Variants in RGS18 observed in about 807,000 individuals in gnomAD.
RGS18 encodes regulator of G-protein signaling 18.
Under a neutral mutation model 27.6 loss-of-function variants are expected in RGS18, and 22 were observed. That is an observed-to-expected ratio of 0.80 (90% CI 0.57 to 1.14). The LOEUF is 1.14. Among genes scored for constraint, RGS18 ranks in the 50% most tolerant of loss-of-function variants. The pLI is 0.00. For synonymous variants in RGS18, 89 were observed against 84.6 expected, an observed-to-expected ratio of 1.05 and a Z score of -0.29; for missense variants, 299 against 269.6, an observed-to-expected ratio of 1.11 and a Z score of -0.76.
At chr1:192,165,631 A>T (rs1656151623) in intron 3 of RGS18, among the ~76,000 whole-genome samples, 1 of 152,344 alleles carries the variant, frequency 6.6e-6, no homozygotes, top group African/African-American at 2.4e-5. Context: ...GGGAAAATAG[A>T]AAAGAACCTA....
In RGS18 at chr1:192,184,306, G is replaced by GAT; in HGVS notation, c.461_462dup (p.Phe155IlefsTer40). 1.2e-6 allele frequency: 2 copies of GAT among 1,606,858 alleles called. No homozygotes were observed. Among genetic ancestry groups the GAT allele is most frequent in the Non-Finnish European group, 1.7e-6 (2 of 1,174,718 alleles). ...TTTTCTGTTTATCCAGGTTAACCTTGATTTTCACACAAAAGAAGTCATTAC... is the reference window on the plus strand; with the variant it reads ...TTTTCTGTTTATCCAGGTTAACCTTGATATTTTCACACAAAAGAAGTCATTAC... On this transcript the variant is annotated frameshift_variant, in exon 5 of 5. Coordinates refer to ENST00000367460, the MANE Select transcript of RGS18 (RefSeq NM_130782.3). LOFTEE classifies it high-confidence loss of function.
rs200651567 is a variant in RGS18 at position 192,170,747 on chromosome 1, ATT to A, written c.283+10309_283+10310del. Among the ~76,000 whole-genome samples the A allele has an allele frequency of 6.5e-3, 982 of 152,240 alleles. 8 individuals carry two copies. The highest frequency in any genetic ancestry group is 0.017 in the Admixed American group (263 of 15,274). On this transcript the variant is annotated intron_variant, in intron 3 of 4. Coordinates refer to ENST00000367460, the MANE Select transcript of RGS18 (RefSeq NM_130782.3). ...CAGTTACATAATGGAAAAGAAATAAATTATCAAGCTGCTGTCAATCAGCAGCC... is the reference window on the plus strand; with the variant it reads ...CAGTTACATAATGGAAAAGAAATAAAATCAAGCTGCTGTCAATCAGCAGCC...
At chr1:192,166,764 C>G (rs965387179) in intron 3 of RGS18, among the ~76,000 whole-genome samples, 1 of 152,092 alleles carries the variant, frequency 6.6e-6, no homozygotes, top group African/African-American at 2.4e-5. Flanking sequence ...ATGAACAAGA[C>G]TTGTAAAAAG....
chr1:192,162,365 C>T (rs1371422072), intron 3 of RGS18, among the ~76,000 whole-genome samples: 1 of 151,914 alleles, frequency 6.6e-6, no homozygotes, highest in East Asian at 1.9e-4. Flanking sequence ...CTGGAGTGCA[C>T]TGGCACAATC....
chr1:192,159,369 T>G, intron 2 of RGS18, 48 bp downstream of exon 2: 1 of 1,259,444 alleles, frequency 7.9e-7, no homozygotes, highest in Non-Finnish European at 1.2e-6. Context: ...GATTCTATCA[T>G]TAAAGATTTA....
chr1:192,161,573 CAAGCCCACAGCT>C (rs935855107), intron 3 of RGS18: 4 of 152,046 alleles, frequency 2.6e-5, no homozygotes, highest in African/African-American at 9.7e-5. Context: ...ACATCCACCT[CAAGCCCACAGCT>C]TTTTTTTTTT....
At chr1:192,158,881 G>C in intron 1 of RGS18, 125 bp downstream of exon 1, 1 of 661,186 alleles carries the variant, frequency 1.5e-6, no homozygotes, top group Non-Finnish European at 2.5e-6. Context: ...TATAATTTGG[G>C]AAAAAAAAAC....
chr1:192,165,582 G>A (rs775442582), intron 3 of RGS18, among the ~76,000 whole-genome samples: 12 of 152,006 alleles, frequency 7.9e-5, no homozygotes, highest in Non-Finnish European at 1.5e-4. Context: ...TCTCTCTTTT[G>A]TGCTCTTTCC....
intron 3 of RGS18, among the ~76,000 whole-genome samples, chr1:192,172,510 A>G (rs892017115): frequency 5.3e-5 from 8 of 151,940 alleles, no homozygotes; most frequent in Admixed American, 2.6e-4. Flanking sequence ...CTTTTTCTGT[A>G]TAAACTACCC....
chr1:192,174,985 C>A (rs1656333240), intron 3 of RGS18, among the ~76,000 whole-genome samples: 1 of 151,696 alleles, frequency 6.6e-6, no homozygotes, highest in Non-Finnish European at 1.5e-5. Flanking sequence ...TTCCTCCTTT[C>A]CTACCTTATT....
At chr1:192,181,497 CA>C in intron 4 of RGS18, 39 bp downstream of exon 4, 1 of 1,358,812 alleles carries the variant, frequency 7.4e-7, no homozygotes, top group Non-Finnish European at 9.8e-7. Flanking sequence ...TAATTGCTTT[CA>C]AAATTTTTTA....
Position 192,158,746 on chromosome 1 carries a change from G to C in RGS18, c.109G>C (p.Ala37Pro). The change falls in exon 1 of 5, where the codon GCC (alanine) becomes CCC (proline). Residue 37 changes from alanine (A) to proline (P), a missense_variant. Coordinates refer to ENST00000367460, the MANE Select transcript of RGS18 (RefSeq NM_130782.3). ...AGGAAAAGAAGAAACAAGCAAAGAAGCCAAAATCAGGTAAAATTGTACAAT... is the reference window on the plus strand; with the variant it reads ...AGGAAAAGAAGAAACAAGCAAAGAACCCAAAATCAGGTAAAATTGTACAAT... ...GSGKEETSKE[A>P]KIRAKEKRNR... 1 of 1,558,992 alleles carries C rather than the reference G, an allele frequency of 6.4e-7. No homozygotes were observed. The highest frequency in any genetic ancestry group is 2.3e-5 in the East Asian group (1 of 43,072).
intron 3 of RGS18, among the ~76,000 whole-genome samples, chr1:192,174,784 T>C (rs1656330546): frequency 6.6e-6 from 1 of 151,900 alleles, no homozygotes; most frequent in Admixed American, 6.6e-5. Context: ...CCTGATACTT[T>C]TCATTTAATG....
chr1:192,179,924 GT>G lies in RGS18; in HGVS notation c.284-1364del, dbSNP rs577839674. On this transcript the variant is annotated intron_variant, in intron 3 of 4. Coordinates refer to ENST00000367460, the MANE Select transcript of RGS18 (RefSeq NM_130782.3). ...ATCCTAGCTGTGATATTTCACTGTA[GT>G]TTTCCAAGTTGTTACACTGGCGAAA... Among the ~76,000 whole-genome samples the G allele has an allele frequency of 9.9e-5, 15 of 151,646 alleles. No homozygotes were observed. In the South Asian group the frequency reaches 3.1e-3, roughly 31 times the overall value.
intron 3 of RGS18, among the ~76,000 whole-genome samples, chr1:192,162,392 T>A (rs1656089587): frequency 6.6e-6 from 1 of 152,166 alleles, no homozygotes; most frequent in South Asian, 2.1e-4. Context: ...CATTGCAACC[T>A]CCACCTCTTG....
At chr1:192,169,550 G>A (rs1656220538) in intron 3 of RGS18, 1 of 152,126 alleles carries the variant, frequency 6.6e-6, no homozygotes, top group African/African-American at 2.4e-5. Flanking sequence ...ATGGGGAAAG[G>A]CAGGACCTAT....
chr1:192,175,609 T>A (rs978238590), intron 3 of RGS18, among the ~76,000 whole-genome samples: 1 of 151,830 alleles, frequency 6.6e-6, no homozygotes, highest in African/African-American at 2.4e-5. Context: ...TCCAAAGTCA[T>A]CCAAACCTAT....
Position 192,159,282 on chromosome 1 carries a change from C to T in RGS18, c.182C>T (p.Thr61Ile). 6.2e-7 allele frequency: 1 copy of T among 1,613,628 alleles called. No homozygotes were observed. The highest frequency in any genetic ancestry group is 8.5e-7 in the Non-Finnish European group (1 of 1,179,600). ...LVQKPEFHED[T>I]RSSRSGHLAK... ...CAGAAACCTGAGTTTCATGAAGACA[C>T]CCGCTCCAGTAGATCTGGGCACTTG... The change falls in exon 2 of 5, where the codon ACC (threonine) becomes ATC (isoleucine). Residue 61 changes from threonine (T) to isoleucine (I), a missense_variant. Thr to Ile is a moderately conservative substitution (Grantham distance 89). Coordinates refer to ENST00000367460, the MANE Select transcript of RGS18 (RefSeq NM_130782.3).
intron 4 of RGS18, among the ~76,000 whole-genome samples, 190 bp from the exon 5 acceptor site, chr1:192,184,107 C>T (rs79377711): frequency 0.018 from 2,746 of 151,666 alleles, 86 homozygotes; most frequent in African/African-American, 0.062. Context: ...AATAACTGCC[C>T]ACCAGGCTCC....
Sources: allele counts gnomAD v4.1 joint callset (sites outside exome capture counted in the v4.1 genomes callset), GRCh38; gene constraint gnomAD v4.1.1; transcripts MANE v1.5; gene names NCBI Gene and HGNC (gene_info 2026-07-23, HGNC 2026-07-21).